PDE4B: variants seen among roughly 807,000 people sequenced by gnomAD.
PDE4B encodes the protein 3',5'-cyclic-AMP phosphodiesterase 4B.
Under a neutral mutation model 82.2 loss-of-function variants are expected in PDE4B, and 20 were observed. That is an observed-to-expected ratio of 0.24 (90% confidence interval 0.17 to 0.35). PDE4B has a LOEUF of 0.35. Ranked by LOEUF, PDE4B falls within the 10% of genes least tolerant of loss-of-function variation. The pLI, the probability that PDE4B is intolerant of heterozygous loss-of-function variation, is 1.00. For missense variants in PDE4B, 655 were observed against 907.2 expected, an observed-to-expected ratio of 0.72 and a Z score of 3.57; for synonymous variants, 320 against 318.9, an observed-to-expected ratio of 1.00 and a Z score of -0.04.
At chr1:66,056,491 TC>T (rs1305848921) in intron 3 of PDE4B, among the ~76,000 whole-genome samples, 1 of 79,434 alleles carries the variant, frequency 1.3e-5, no homozygotes, top group Non-Finnish European at 2.4e-5. Flanking sequence ...CTATCATCTA[TC>T]TATCTATCTA....
At chr1:65,963,742 C>G (rs1367355736) in intron 3 of PDE4B, among the ~76,000 whole-genome samples, 1 of 152,134 alleles carries the variant, frequency 6.6e-6, no homozygotes, top group Non-Finnish European at 1.5e-5. Flanking sequence ...TGAGGCGAGC[C>G]CTGTCACACT....
chr1:66,338,124 T>G (rs1402422933), intron 8 of PDE4B, among the ~76,000 whole-genome samples: 2 of 152,234 alleles, frequency 1.3e-5, no homozygotes, highest in African/African-American at 4.8e-5. Context: ...TAATCAATAT[T>G]CACAGTAACA....
chr1:66,108,899 A>T (rs946927102), intron 3 of PDE4B, among the ~76,000 whole-genome samples: 2 of 151,976 alleles, frequency 1.3e-5, no homozygotes, highest in Non-Finnish European at 2.9e-5. Flanking sequence ...TAAATTTCTT[A>T]ATTTCTGTTT....
chr1:66,028,172 G>A (rs568819393), intron 3 of PDE4B, among the ~76,000 whole-genome samples: 1 of 152,208 alleles, frequency 6.6e-6, no homozygotes, highest in African/African-American at 2.4e-5. Flanking sequence ...CTAGGCGGAG[G>A]TTCACAAACC....
chr1:66,249,204 G>A (rs1287367776), intron 4 of PDE4B, among the ~76,000 whole-genome samples: 3 of 152,216 alleles, frequency 2.0e-5, no homozygotes, highest in Non-Finnish European at 4.4e-5. Context: ...GGGGGTCTTT[G>A]AATGCAAAGA....
chr1:66,046,454 A>G (rs1384816430), intron 3 of PDE4B, among the ~76,000 whole-genome samples: 4 of 151,806 alleles, frequency 2.6e-5, no homozygotes, highest in East Asian at 1.9e-4. Context: ...TCCTTTAGCC[A>G]TATTCCAAAA....
chr1:65,945,614 C>T (rs543230744), intron 3 of PDE4B, among the ~76,000 whole-genome samples: 1 of 151,990 alleles, frequency 6.6e-6, no homozygotes, highest in Non-Finnish European at 1.5e-5. Context: ...ACAGCAGTTA[C>T]TAAATCAGCT....
chr1:66,288,965 G>T (rs1167176580), intron 7 of PDE4B, among the ~76,000 whole-genome samples: 2 of 152,172 alleles, frequency 1.3e-5, no homozygotes, highest in African/African-American at 4.8e-5. Flanking sequence ...TTAATACTTT[G>T]ATGGCTGCTT....
chr1:65,895,332 C>G (rs910203298), intron 1 of PDE4B, among the ~76,000 whole-genome samples: 1 of 151,940 alleles, frequency 6.6e-6, no homozygotes. Context: ...GGTGAATCAC[C>G]TGAGGTCAGG....
At chr1:65,961,576 A>G (rs1321059436) in intron 3 of PDE4B, among the ~76,000 whole-genome samples, 1 of 152,220 alleles carries the variant, frequency 6.6e-6, no homozygotes, top group African/African-American at 2.4e-5. Flanking sequence ...AAATATAATT[A>G]TCCACCATTA....
chr1:65,909,583 G>A (rs1192328199), intron 1 of PDE4B, among the ~76,000 whole-genome samples: 3 of 152,128 alleles, frequency 2.0e-5, no homozygotes, highest in Non-Finnish European at 4.4e-5. Context: ...AAATTTAAAA[G>A]CATCTTTTAA....
chr1:66,107,800 T>C (rs1232498905), intron 3 of PDE4B, among the ~76,000 whole-genome samples: 1 of 152,000 alleles, frequency 6.6e-6, no homozygotes, highest in Non-Finnish European at 1.5e-5. Flanking sequence ...ATGATCAATC[T>C]GAGTTGTGTA....
chr1:66,024,715 G>A (rs914062742), intron 3 of PDE4B, among the ~76,000 whole-genome samples: 9 of 151,896 alleles, frequency 5.9e-5, no homozygotes, highest in African/African-American at 2.2e-4. Context: ...GTAAATAGAT[G>A]GATAGATGAA....
At chr1:66,136,997 C>T (rs867413907) in intron 3 of PDE4B, among the ~76,000 whole-genome samples, 4 of 152,268 alleles carry the variant, frequency 2.6e-5, no homozygotes, top group African/African-American at 2.4e-5. Flanking sequence ...AGATCAATTG[C>T]TATCCTTGCA....
intron 8 of PDE4B, among the ~76,000 whole-genome samples, chr1:66,337,865 G>A (rs11208836): frequency 0.11 from 16,994 of 152,122 alleles, 2,523 homozygotes; most frequent in African/African-American, 0.33. Context: ...ACTAAATTAT[G>A]GAGGGAGCAA....
intron 3 of PDE4B, among the ~76,000 whole-genome samples, chr1:66,017,041 G>T (rs1212848525): frequency 6.6e-6 from 1 of 152,206 alleles, no homozygotes; most frequent in African/African-American, 2.4e-5. Flanking sequence ...AGAATAGGGA[G>T]CATTAGGTTG....
chr1:65,887,526 T>C (rs1002726425), intron 1 of PDE4B, among the ~76,000 whole-genome samples: 1 of 139,676 alleles, frequency 7.2e-6, no homozygotes, highest in African/African-American at 2.7e-5. Context: ...CCAGAGATCT[T>C]CCCACCTTAG....
intron 3 of PDE4B, among the ~76,000 whole-genome samples, chr1:66,230,853 C>T (rs1205413111): frequency 2.0e-5 from 3 of 152,050 alleles, no homozygotes; most frequent in African/African-American, 7.2e-5. Context: ...TGAGACCAGC[C>T]TGGCCAACAT....
At chr1:66,338,145 G>C (rs1162640202) in intron 8 of PDE4B, among the ~76,000 whole-genome samples, 1 of 152,158 alleles carries the variant, frequency 6.6e-6, no homozygotes, top group African/African-American at 2.4e-5. Flanking sequence ...CTTTGAAATA[G>C]GTACTGTTAT....
Sources: allele counts gnomAD v4.1 joint callset (sites outside exome capture counted in the v4.1 genomes callset), GRCh38; gene constraint gnomAD v4.1.1; transcripts MANE v1.5; gene names NCBI Gene and HGNC (gene_info 2026-07-23, HGNC 2026-07-21).